The following ST18 variants were observed in gnomAD, a reference collection of about 807,000 sequenced individuals.
ST18 encodes suppression of tumorigenicity 18 protein.
A neutral mutation model predicts 110.0 loss-of-function variants in ST18; 50 were observed. The observed-to-expected ratio is 0.45, with a 90% confidence interval of 0.36 to 0.58. The LOEUF is 0.58. Among genes scored for constraint, ST18 ranks in the 20% least tolerant of loss-of-function variants. The pLI is 0.00. For missense variants in ST18, 1,306 were observed against 1,280.1 expected, an observed-to-expected ratio of 1.02 and a Z score of -0.31; for synonymous variants, 461 against 452.4, an observed-to-expected ratio of 1.02 and a Z score of -0.24.
At chr8:52,264,452 T>G (rs996266861) in intron 2 of ST18, among the ~76,000 whole-genome samples, 4 of 152,174 alleles carry the variant, frequency 2.6e-5, no homozygotes, top group Non-Finnish European at 4.4e-5. Flanking sequence ...GGCTGAGATA[T>G]TTATCTGAAG....
intron 3 of ST18, among the ~76,000 whole-genome samples, chr8:52,226,270 C>T (rs1291750998): frequency 2.6e-5 from 4 of 152,162 alleles, no homozygotes; most frequent in African/African-American, 9.7e-5. Context: ...TTGCATGACT[C>T]GTCACACAGA....
chr8:52,176,182 C>T lies in ST18; in HGVS notation c.278-3599G>A, dbSNP rs144266469. Among the ~76,000 whole-genome samples the T allele has an allele frequency of 2.7e-3, 410 of 152,084 alleles. 2 individuals carry two copies. Among genetic ancestry groups the T allele is most frequent in the African/African-American group, 9.4e-3 (391 of 41,500 alleles). On this transcript the variant is annotated intron_variant, in intron 9 of 25. Transcript: ENST00000689386. ...GATTACAAGCAAACACCACCGCATC[C>T]GGCTAATATTTTTTGTATTTTTAGT...
chr8:52,337,218 C>T (rs1198785257), intron 2 of ST18, among the ~76,000 whole-genome samples: 1 of 152,160 alleles, frequency 6.6e-6, no homozygotes, highest in Non-Finnish European at 1.5e-5. Flanking sequence ...AACAATGTGA[C>T]ATTTGCCATA....
intron 2 of ST18, among the ~76,000 whole-genome samples, chr8:52,297,197 G>A (rs1181840154): frequency 3.3e-5 from 5 of 152,256 alleles, no homozygotes; most frequent in East Asian, 3.9e-4. Context: ...GGTGCAGTCC[G>A]CACACAGGCT....
At chr8:52,371,626 A>G (rs1328806613) in intron 2 of ST18, among the ~76,000 whole-genome samples, 1 of 152,230 alleles carries the variant, frequency 6.6e-6, no homozygotes, top group Non-Finnish European at 1.5e-5. Flanking sequence ...ATAAAATGAC[A>G]TGATAAGCTC....
intron 22 of ST18, among the ~76,000 whole-genome samples, chr8:52,131,301 C>T (rs915342743): frequency 1.3e-5 from 2 of 152,196 alleles, no homozygotes; most frequent in Non-Finnish European, 2.9e-5. Flanking sequence ...TGTAGGGAAG[C>T]TTCTAATCTT....
chr8:52,137,348 G>A lies in ST18; in HGVS notation c.2231+73C>T. Reference sequence around the variant, plus strand: ...TCCTGCTTCAGATAATACATGGATAGAAAGGGTGAGAATAAGTATTTAAAA... The same window carrying A: ...TCCTGCTTCAGATAATACATGGATAAAAAGGGTGAGAATAAGTATTTAAAA... On this transcript the variant is annotated intron_variant, in intron 18 of 25. Coordinates refer to ENST00000689386, the MANE Select transcript of ST18 (RefSeq NM_001352837.2). The A allele has an allele frequency of 2.0e-6, 3 of 1,509,426 alleles. No homozygotes were observed. In the South Asian group the frequency reaches 3.5e-5, roughly 18 times the overall value. The allele number at this position is 1,509,426 out of a possible 1,614,324, so 93.5% of individuals were successfully genotyped here. A position where few individuals can be genotyped will look rare whatever the true frequency, so the allele number is the denominator to read the frequency against.
intron 2 of ST18, among the ~76,000 whole-genome samples, chr8:52,245,098 C>T (rs552307507): frequency 2.6e-5 from 4 of 152,260 alleles, no homozygotes; most frequent in African/African-American, 9.6e-5. Context: ...AAGACTAATT[C>T]TCCACCATTG....
chr8:52,158,001 C>T (rs2060447841), intron 15 of ST18, among the ~76,000 whole-genome samples: 1 of 152,214 alleles, frequency 6.6e-6, no homozygotes, highest in South Asian at 2.1e-4. Flanking sequence ...GTGGCTTCAG[C>T]CATCTAGGTA....
chr8:52,114,357 A>C (rs1187112519), intron 25 of ST18, among the ~76,000 whole-genome samples: 1 of 152,168 alleles, frequency 6.6e-6, no homozygotes, highest in Admixed American at 6.5e-5. Context: ...TAAATTTCAC[A>C]CAAATGTGAA....
In ST18 at chr8:52,330,199, ATC is replaced by A. The variant is rs1194524249; in HGVS notation, c.-465+79127_-465+79128del. On this transcript the variant is annotated intron_variant, in intron 2 of 25. Transcript: ENST00000689386. ...TGTTAATATGAAGTTTATTATTCTT[ATC>A]TTCATTTAATGTCCTGAGGAACCAG... 5.3e-5 allele frequency among the ~76,000 whole-genome samples: 8 copies of A among 152,168 alleles called. No homozygotes were observed. In the East Asian group the frequency reaches 1.5e-3, roughly 29 times the overall value.
At chr8:52,201,603 GAAACAAA>G (rs1378238536) in intron 8 of ST18, among the ~76,000 whole-genome samples, 1 of 133,430 alleles carries the variant, frequency 7.5e-6, no homozygotes, top group Non-Finnish European at 1.5e-5. Context: ...AGAATCCTTA[GAAACAAA>G]AAACAAAAAA....
At chr8:52,126,684 T>A (rs1178578892) in intron 22 of ST18, among the ~76,000 whole-genome samples, 1 of 152,232 alleles carries the variant, frequency 6.6e-6, no homozygotes, top group African/African-American at 2.4e-5. Context: ...GTTTTTAATT[T>A]TTTTCTTTAA....
intron 2 of ST18, among the ~76,000 whole-genome samples, chr8:52,238,493 T>C (rs1392948107): frequency 6.6e-6 from 1 of 152,186 alleles, no homozygotes; most frequent in Non-Finnish European, 1.5e-5. Flanking sequence ...CACTGGTATC[T>C]ACCCAAAGGA....
chr8:52,172,357 A>G lies in ST18; in HGVS notation c.504T>C (p.Phe168=), dbSNP rs1405823669. The change falls in exon 10 of 26, where the codon TTT becomes TTC. Residue 168 remains phenylalanine (F), a synonymous_variant. Transcript: ENST00000689386. ...CTCTTCCATCATCAGAATGAATCAGAAAGCACTCGTCTGCTTCATCGCTCT... is the reference window on the plus strand; with the variant it reads ...CTCTTCCATCATCAGAATGAATCAGGAAGCACTCGTCTGCTTCATCGCTCT... The part of the protein sequence containing the change: ...KAESDEADEC[F]LIHSDDGRDK... 1.2e-6 allele frequency: 2 copies of G among 1,614,052 alleles called. No homozygotes were observed. Among genetic ancestry groups the G allele is most frequent in the Non-Finnish European group, 1.7e-6 (2 of 1,180,038 alleles).
chr8:52,167,542 G>C (rs367760524), intron 10 of ST18, among the ~76,000 whole-genome samples: 3 of 152,236 alleles, frequency 2.0e-5, no homozygotes, highest in Admixed American at 6.5e-5. Flanking sequence ...CTTGTGTCCT[G>C]TCTGTCCAGT....
At chr8:52,409,817 G>GA, upstream of ST18, 1 of 152,378 alleles carries the variant, frequency 6.6e-6, no homozygotes, top group Admixed American at 6.5e-5. Context: ...ACCGCACAAA[G>GA]AAAATGCTGT....
intron 2 of ST18, among the ~76,000 whole-genome samples, chr8:52,272,139 T>C (rs1031081029): frequency 6.6e-6 from 1 of 152,210 alleles, no homozygotes; most frequent in African/African-American, 2.4e-5. Context: ...CATGGCATTA[T>C]TCTTGGCAGT....
intron 2 of ST18, among the ~76,000 whole-genome samples, chr8:52,283,050 G>A (rs150240131): frequency 4.6e-4 from 70 of 152,296 alleles, no homozygotes; most frequent in Non-Finnish European, 7.2e-4. Context: ...ATCAAGGTTG[G>A]ATCAGGGCAC....
Sources: allele counts gnomAD v4.1 joint callset (sites outside exome capture counted in the v4.1 genomes callset), GRCh38; gene constraint gnomAD v4.1.1; transcripts MANE v1.5; gene names NCBI Gene and HGNC (gene_info 2026-07-23, HGNC 2026-07-21).